GHRH: variants seen among roughly 807,000 people sequenced by gnomAD.
GHRH encodes somatoliberin.
GHRH carries 7 observed loss-of-function variants against 15.6 expected under a neutral mutation model. The ratio of observed to expected loss-of-function variants is 0.45; its 90% CI spans 0.26 to 0.84. The LOEUF is 0.84. GHRH is among the 40% of genes least tolerant of loss of function. The pLI is 0.18. For synonymous variants in GHRH, 54 were observed against 50.4 expected, an observed-to-expected ratio of 1.07 and a Z score of -0.30; for missense variants, 117 against 138.0, an observed-to-expected ratio of 0.85 and a Z score of 0.76.
chr20:37,257,531 A>T lies in GHRH; in HGVS notation c.-19-623T>A, dbSNP rs1019989347. On this transcript the variant is annotated intron_variant, in intron 1 of 4. Coordinates refer to ENST00000373614, the MANE Select transcript of GHRH (RefSeq NM_021081.6). ...CCTGTCTCAAAAAAAAAAAAAAAAA[A>T]TTTAAATAAATAGAATAAATGGGAT... 4.2e-3 allele frequency among the ~76,000 whole-genome samples: 619 copies of T among 148,430 alleles called. 8 individuals are homozygous for T. Among genetic ancestry groups the T allele is most frequent in the East Asian group, 0.015 (76 of 5,162 alleles).
At chr20:37,254,056 T>C (rs1439536781) in intron 4 of GHRH, among the ~76,000 whole-genome samples, 154 bp downstream of exon 4, 1 of 152,230 alleles carries the variant, frequency 6.6e-6, no homozygotes, top group Admixed American at 6.5e-5. Context: ...GCCACTCTCC[T>C]AGTTCTTAAT....
chr20:37,261,587 G>A (rs2068687804), intron 1 of GHRH, among the ~76,000 whole-genome samples, 156 bp downstream of exon 1: 1 of 152,176 alleles, frequency 6.6e-6, no homozygotes, highest in African/African-American at 2.4e-5. Context: ...CCTATTGAGG[G>A]GTGATTTTAT....
At chr20:37,254,709 A>G (rs1232445173) in intron 3 of GHRH, among the ~76,000 whole-genome samples, 1 of 152,190 alleles carries the variant, frequency 6.6e-6, no homozygotes, top group African/African-American at 2.4e-5. Context: ...CTGTGAATGC[A>G]TCACCTGATT....
intron 3 of GHRH, among the ~76,000 whole-genome samples, chr20:37,254,642 C>A (rs541241372): frequency 6.6e-6 from 1 of 152,274 alleles, no homozygotes; most frequent in South Asian, 2.1e-4. Flanking sequence ...AATAATGGCA[C>A]AAATTGCCAT....
intron 1 of GHRH, among the ~76,000 whole-genome samples, chr20:37,259,309 C>T (rs1222248361): frequency 1.3e-5 from 2 of 152,268 alleles, no homozygotes; most frequent in East Asian, 1.9e-4. Context: ...GGCAGGCTTC[C>T]GTCCTCCTCA....
At chr20:37,252,067 G>A (rs1262420724) in intron 4 of GHRH, among the ~76,000 whole-genome samples, 1 of 152,228 alleles carries the variant, frequency 6.6e-6, no homozygotes, top group Admixed American at 6.5e-5. Flanking sequence ...AGCCATAGCA[G>A]GTGAACAATT....
intron 3 of GHRH, among the ~76,000 whole-genome samples, chr20:37,255,980 C>G (rs1362470229): frequency 1.3e-5 from 2 of 151,996 alleles, no homozygotes; most frequent in Admixed American, 6.6e-5. Flanking sequence ...GAGGCATGAT[C>G]ATTCCACTGT....
chr20:37,259,482 C>A (rs902046483), intron 1 of GHRH, among the ~76,000 whole-genome samples: 27 of 152,310 alleles, frequency 1.8e-4, no homozygotes, highest in African/African-American at 6.5e-4. Flanking sequence ...TTCTTGCCTT[C>A]TTTGCTGCTG....
At chr20:37,251,539 C>T (rs1380853411) in intron 4 of GHRH, among the ~76,000 whole-genome samples, 1 of 152,110 alleles carries the variant, frequency 6.6e-6, no homozygotes, top group African/African-American at 2.4e-5. Flanking sequence ...TCACCACTCC[C>T]CAGCATCTCT....
chr20:37,251,507 C>T (rs2068621014), intron 4 of GHRH, among the ~76,000 whole-genome samples: 3 of 152,104 alleles, frequency 2.0e-5, no homozygotes, highest in Admixed American at 6.5e-5. Flanking sequence ...CAGACAGGCT[C>T]AGCGTTCTCC....
At chr20:37,257,587 A>G (rs1600874108) in intron 1 of GHRH, among the ~76,000 whole-genome samples, 1 of 152,104 alleles carries the variant, frequency 6.6e-6, no homozygotes, top group Admixed American at 6.6e-5. Context: ...AGGTCAAAGA[A>G]CCTTCTCTCA....
intron 1 of GHRH, among the ~76,000 whole-genome samples, chr20:37,260,550 A>G (rs2068682582): frequency 6.6e-6 from 1 of 152,182 alleles, no homozygotes; most frequent in African/African-American, 2.4e-5. Context: ...GTGCCACTGC[A>G]CAGTAGCCTA....
intron 1 of GHRH, among the ~76,000 whole-genome samples, chr20:37,259,873 C>T (rs1421459931): frequency 6.6e-6 from 1 of 152,216 alleles, no homozygotes. Context: ...AGCAGCCTCC[C>T]AGGTACAATG....
At chr20:37,251,685 G>A (rs1290949194) in intron 4 of GHRH, among the ~76,000 whole-genome samples, 1 of 152,172 alleles carries the variant, frequency 6.6e-6, no homozygotes, top group Non-Finnish European at 1.5e-5. Context: ...CCAGAGTGTG[G>A]CATGTCATAG....
chr20:37,258,983 C>A lies in GHRH; in HGVS notation c.-19-2075G>T, dbSNP rs1461392586. Reference sequence around the variant, plus strand: ...TCAAACCCCCGGGCTTAAGTGATCCCCCCGCCTCAGCCTCCCAAAGAGTTG... The same window carrying A: ...TCAAACCCCCGGGCTTAAGTGATCCACCCGCCTCAGCCTCCCAAAGAGTTG... On this transcript the variant is annotated intron_variant, in intron 1 of 4. Transcript: ENST00000373614. This position sits in a 1 kb window ranked among gnomAD's most constrained non-coding sequence, Gnocchi z 4.1. 6.6e-6 allele frequency among the ~76,000 whole-genome samples: 1 copy of A among 152,126 alleles called. No individual in the cohort carries two copies. Among genetic ancestry groups the A allele is most frequent in the Non-Finnish European group, 1.5e-5 (1 of 68,026 alleles).
At chr20:37,253,249 G>T (rs970312310) in intron 4 of GHRH, among the ~76,000 whole-genome samples, 2 of 152,174 alleles carry the variant, frequency 1.3e-5, no homozygotes, top group South Asian at 2.1e-4. Context: ...GAAACGTGAG[G>T]GCCAGTGAGC....
chr20:37,253,228 G>A (rs1026519306), intron 4 of GHRH, among the ~76,000 whole-genome samples: 1 of 152,184 alleles, frequency 6.6e-6, no homozygotes, highest in African/African-American at 2.4e-5. Context: ...CTCCTCTGTA[G>A]ACTCCCAGGA....
At position 37,256,924 on chromosome 20, in the gene GHRH, A is replaced by C; in HGVS notation, c.-19-16T>G. On this transcript the variant is annotated splice_polypyrimidine_tract_variant and intron_variant, in intron 1 of 4. Coordinates refer to ENST00000373614, the MANE Select transcript of GHRH (RefSeq NM_021081.6). ...GGGGTGGCACCTGCAGAGTGACAGG[A>C]GGGGAAGGTCAGGTACAGCCACAGC... 2 of 1,498,838 alleles carry C rather than the reference A, an allele frequency of 1.3e-6. No homozygotes were observed. Among genetic ancestry groups the C allele is most frequent in the South Asian group, 2.3e-5 (2 of 85,406 alleles). 92.8% of individuals were successfully genotyped at this position (1,498,838 alleles called of 1,614,324 possible).
chr20:37,259,677 C>T (rs936308088), intron 1 of GHRH, among the ~76,000 whole-genome samples: 1 of 152,186 alleles, frequency 6.6e-6, no homozygotes, highest in African/African-American at 2.4e-5. Context: ...CCCTATCAGG[C>T]TCCACAACCC....
Sources: gnomAD v4.1 joint callset for allele counts (sites outside exome capture counted in the v4.1 genomes callset) on GRCh38, gnomAD v4.1.1 for gene constraint, Gnocchi (gnomAD v3.1) non-coding constraint, MANE v1.5 for transcripts, NCBI Gene and HGNC (gene_info 2026-07-23, HGNC 2026-07-21) for gene names.